Variants in SPATA13 observed in about 807,000 individuals in gnomAD.
SPATA13 encodes spermatogenesis associated 13.
SPATA13 carries 50 observed loss-of-function variants against 104.0 expected under a neutral mutation model. The observed-to-expected ratio is 0.48, with a 90% CI of 0.38 to 0.61. The LOEUF (loss-of-function observed/expected upper bound fraction) is 0.61, where lower values mean the gene tolerates loss of function less well. Ranked by LOEUF, SPATA13 falls within the 20% of genes least tolerant of loss-of-function variation. SPATA13 has a pLI of 0.00. For missense variants in SPATA13, 1,524 were observed against 1,690.6 expected (o/e 0.90, Z 1.73); for synonymous variants, 606 against 667.5 (o/e 0.91, Z 1.42).
intron 1 of SPATA13, among the ~76,000 whole-genome samples, chr13:24,184,257 C>A (rs546892514): frequency 6.6e-6 from 1 of 152,300 alleles, no homozygotes; most frequent in East Asian, 1.9e-4. Flanking sequence ...ACAGAAAATT[C>A]TCTGGGAAAA....
chr13:24,287,088 G>A (rs1000790213), intron 7 of SPATA13, 138 bp downstream of exon 7: 8 of 705,302 alleles, frequency 1.1e-5, no homozygotes, highest in African/African-American at 1.9e-5. Context: ...TCTGCTGTCT[G>A]CACTGCTAAG....
chr13:24,080,149 A>G (rs895647755), intron 3 of SPATA13, among the ~76,000 whole-genome samples: 1 of 152,222 alleles, frequency 6.6e-6, no homozygotes, highest in Admixed American at 6.5e-5. Flanking sequence ...GCAAATCTAA[A>G]TCTCAAAGCC....
At chr13:24,224,673 G>A (rs1385481396) in intron 2 of SPATA13, 91 bp downstream of exon 2, 1 of 1,355,584 alleles carries the variant, frequency 7.4e-7, no homozygotes, top group Non-Finnish European at 1.0e-6. Flanking sequence ...AACCTGTCAA[G>A]GTCAGTGGCC....
intron 4 of SPATA13, among the ~76,000 whole-genome samples, chr13:24,257,893 A>G (rs1004284140): frequency 2.0e-5 from 3 of 152,170 alleles, no homozygotes; most frequent in Non-Finnish European, 1.5e-5. Flanking sequence ...TTTTATGCCA[A>G]CCAGCCTGTC....
intron 2 of SPATA13, among the ~76,000 whole-genome samples, chr13:24,237,776 G>A (rs951937968): frequency 3.3e-5 from 5 of 151,616 alleles, no homozygotes; most frequent in African/African-American, 1.2e-4. Context: ...ACCAGCCTGG[G>A]CAACATAACC....
At chr13:24,283,187 T>C (rs1164616565) in intron 4 of SPATA13, among the ~76,000 whole-genome samples, 1 of 152,182 alleles carries the variant, frequency 6.6e-6, no homozygotes, top group Non-Finnish European at 1.5e-5. Flanking sequence ...GAGGATCCCT[T>C]CCTCTTTAAA....
Position 24,037,209 on chromosome 13 carries a change from G to C in SPATA13, c.-112+19508G>C, listed in dbSNP as rs559355244. 2.5e-4 allele frequency among the ~76,000 whole-genome samples: 29 copies of C among 117,794 alleles called. 1 individual carries two copies. The highest frequency in any genetic ancestry group is 7.1e-4 in the African/African-American group (22 of 30,890). The allele number at this position is 117,794 out of a possible 152,430, so 77.3% of individuals were successfully genotyped here. A position where few individuals can be genotyped will look rare whatever the true frequency, so the allele number is the denominator to read the frequency against. On this transcript the variant is annotated intron_variant, in intron 3 of 14. Transcript: ENST00000424834. Reference sequence around the variant, plus strand: ...CACACATCGGGGCCTGTCATAGGGTGGGGGGAGGGGGGAGGGATGGCATTA... The same window carrying C: ...CACACATCGGGGCCTGTCATAGGGTCGGGGGAGGGGGGAGGGATGGCATTA...
At chr13:24,285,785 A>AT (rs1875895520) in intron 5 of SPATA13, among the ~76,000 whole-genome samples, 1 of 150,528 alleles carries the variant, frequency 6.6e-6, no homozygotes, top group African/African-American at 2.5e-5. Flanking sequence ...AGTTCAAGTG[A>AT]TTCTCCAGCC....
In SPATA13 at chr13:24,306,198, T is replaced by C. The variant is rs961966136; in HGVS notation, c.*3425T>C. The C allele has an allele frequency of 2.0e-5, 3 of 152,322 alleles. No individual in the cohort carries two copies. The highest frequency in any genetic ancestry group is 4.4e-5 in the Non-Finnish European group (3 of 68,032). 9.4% of individuals were successfully genotyped at this position (152,322 alleles called of 1,614,324 possible). ...TTATCTAGACATAAAGCAAAGTGCATTTAATTCAAAATTTGGTTCACAATA... is the reference window on the plus strand; with the variant it reads ...TTATCTAGACATAAAGCAAAGTGCACTTAATTCAAAATTTGGTTCACAATA... On this transcript the variant is annotated 3_prime_UTR_variant, in exon 13 of 13. Transcript: ENST00000382108.
rs531498170 is a variant in SPATA13, at chr13:24,035,784, C to T, written c.-112+18083C>T. On this transcript the variant is annotated intron_variant, in intron 3 of 14. Transcript: ENST00000424834. ...CTCCCAGCACTTTAGGAGGCCAAGG[C>T]GGGTGGATCACTTGAGGTCTGGAGT... 1.1e-4 allele frequency among the ~76,000 whole-genome samples: 16 copies of T among 152,160 alleles called. No homozygotes were observed. In the South Asian group the frequency reaches 2.5e-3, roughly 24 times the overall value.
At chr13:24,070,105 T>G (rs1879104077) in intron 3 of SPATA13, among the ~76,000 whole-genome samples, 1 of 152,232 alleles carries the variant, frequency 6.6e-6, no homozygotes, top group Admixed American at 6.5e-5. Context: ...TTTCACATAC[T>G]GACTGCTTGC....
rs764743951 is a variant in SPATA13, at chr13:24,302,826, T to C, written c.*53T>C. 6.2e-7 allele frequency: 1 copy of C among 1,609,354 alleles called. No individual in the cohort carries two copies. Among genetic ancestry groups the C allele is most frequent in the Non-Finnish European group, 8.5e-7 (1 of 1,176,824 alleles). On this transcript the variant is annotated 3_prime_UTR_variant, in exon 13 of 13. Coordinates refer to ENST00000382108, the MANE Select transcript of SPATA13 (RefSeq NM_001166271.3). Reference sequence around the variant, plus strand: ...TGGGTGTCAAGAGAAGAACTGTCTTTGTTTCTTGTGTGCTTCAATCCAGGG... The same window carrying C: ...TGGGTGTCAAGAGAAGAACTGTCTTCGTTTCTTGTGTGCTTCAATCCAGGG...
chr13:24,035,637 C>G (rs193269224), intron 3 of SPATA13, among the ~76,000 whole-genome samples: 2 of 152,090 alleles, frequency 1.3e-5, no homozygotes, highest in Admixed American at 1.3e-4. Context: ...TCACAGGAGG[C>G]GTGTCACTGA....
In SPATA13 at chr13:24,224,417, G is replaced by A. The variant is rs761564332; in HGVS notation, c.1488G>A (p.Ala496=). 1.2e-5 allele frequency: 19 copies of A among 1,551,616 alleles called. No individual in the cohort carries two copies. Among genetic ancestry groups the A allele is most frequent in the South Asian group, 5.9e-5 (5 of 84,070 alleles). ...SCHSNHSALS[A]NSEESEGRAE... is the part of the protein sequence containing the mutation. ...ACAGCAATCACAGTGCCCTGTCCGC[G>A]AATTCAGAGGAAAGTGAAGGAAGGG... The change falls in exon 2 of 13, where the codon GCG becomes GCA. Residue 496 remains alanine (A), a synonymous_variant. Transcript: ENST00000382108.
chr13:24,232,632 C>T (rs1351644738), intron 2 of SPATA13, among the ~76,000 whole-genome samples: 2 of 152,206 alleles, frequency 1.3e-5, no homozygotes, highest in Non-Finnish European at 2.9e-5. Context: ...GCCTCAACCT[C>T]CCAAGGTCAA....
intron 3 of SPATA13, among the ~76,000 whole-genome samples, chr13:24,142,278 C>T (rs983361324): frequency 7.2e-5 from 11 of 151,896 alleles, no homozygotes; most frequent in African/African-American, 2.7e-4. Context: ...AGTCTACAGG[C>T]CTTATTCAGA....
At chr13:24,200,956 T>C (rs1400054067) in intron 1 of SPATA13, among the ~76,000 whole-genome samples, 3 of 148,288 alleles carry the variant, frequency 2.0e-5, no homozygotes, top group Non-Finnish European at 4.5e-5. Context: ...GTTCTTTTTT[T>C]TCCCCCTCAC....
chr13:24,275,937 C>T (rs1376837825), intron 4 of SPATA13, among the ~76,000 whole-genome samples: 1 of 152,148 alleles, frequency 6.6e-6, no homozygotes, highest in East Asian at 1.9e-4. Context: ...TTGTCCCTCA[C>T]CCCTCCCCCA....
chr13:24,250,577 G>A (rs1018703543), intron 3 of SPATA13, among the ~76,000 whole-genome samples: 5 of 152,116 alleles, frequency 3.3e-5, no homozygotes, highest in South Asian at 2.1e-4. Flanking sequence ...AGCTGATGTC[G>A]TAAGTAACCC....
Sources: gnomAD v4.1 joint callset for allele counts (sites outside exome capture counted in the v4.1 genomes callset) on GRCh38, gnomAD v4.1.1 for gene constraint, MANE v1.5 for transcripts, NCBI Gene and HGNC (gene_info 2026-07-23, HGNC 2026-07-21) for gene names.